Variants in KIAA1210 observed in about 807,000 individuals in gnomAD.
KIAA1210 encodes KIAA1210.
A neutral mutation model predicts 78.9 loss-of-function variants in KIAA1210; 48 were observed. The observed-to-expected ratio is 0.61, with a 90% CI of 0.48 to 0.77. The LOEUF (loss-of-function observed/expected upper bound fraction) is 0.77, where lower values mean the gene tolerates loss of function less well. Among genes scored for constraint, KIAA1210 ranks in the 30% least tolerant of loss-of-function variants. The pLI is 0.00. For synonymous variants in KIAA1210, 406 were observed against 404.5 expected (o/e 1.00, Z -0.04); for missense variants, 1,108 against 1,100.0 (o/e 1.01, Z -0.10).
At position 119,111,521 on chromosome X, in the gene KIAA1210, C is replaced by T. The variant is rs1051249323; in HGVS notation, c.231-2319G>A. Among the ~76,000 whole-genome samples, 9 of 108,260 alleles carry T rather than the reference C, an allele frequency of 8.3e-5. No homozygotes were observed. The Admixed American group carries it at 9.0e-4, about 11-fold the overall frequency. The allele number at this position is 108,260 out of a possible 115,157, so 94.0% of individuals were successfully genotyped here. A position where few individuals can be genotyped will look rare whatever the true frequency, so the allele number is the denominator to read the frequency against. ...AACACAGGAATAGAAAACCAAACAC[C>T]GCATGTTGTCACTCATAAGTGGGAG... On this transcript the variant is annotated intron_variant, in intron 3 of 11. Coordinates refer to ENST00000691062, the MANE Select transcript of KIAA1210 (RefSeq NM_001394962.1).
chrX:119,118,176 G>A (rs1379701242), intron 2 of KIAA1210, among the ~76,000 whole-genome samples: 1 of 111,899 alleles, frequency 8.9e-6, no homozygotes, highest in African/African-American at 3.3e-5. Flanking sequence ...ATCATGAAAG[G>A]CTTAATGGTG....
chrX:119,119,041 T>C (rs1928363032), intron 2 of KIAA1210, among the ~76,000 whole-genome samples: 1 of 112,350 alleles, frequency 8.9e-6, no homozygotes, highest in South Asian at 3.7e-4. Context: ...TTGAGACCAC[T>C]GAACAGAGTC....
rs746567004 is a variant in KIAA1210 at position 119,092,759 on chromosome X, T to TCAAATAAATAAATAAA, written c.955+907_955+908insTTTATTTATTTATTTG. ...CTGGGTGACAGAGTGAGACTCCGTC[T>TCAAATAAATAAATAAA]TAAATAAATAAATAAATAAATAAAT... On this transcript the variant is annotated intron_variant, in intron 8 of 11. Coordinates refer to ENST00000691062, the MANE Select transcript of KIAA1210 (RefSeq NM_001394962.1). 3.8e-3 allele frequency among the ~76,000 whole-genome samples: 326 copies of TCAAATAAATAAATAAA among 85,318 alleles called. 3 individuals carry two copies. Among genetic ancestry groups the TCAAATAAATAAATAAA allele is most frequent in the African/African-American group, 0.013 (314 of 24,083 alleles). 74.1% of individuals were successfully genotyped at this position (85,318 alleles called of 115,157 possible).
chrX:119,096,612 G>C lies in KIAA1210; in HGVS notation c.728C>G (p.Thr243Ser). 1 of 1,210,525 alleles carries C rather than the reference G, an allele frequency of 8.3e-7. No individual in the cohort carries two copies. Among genetic ancestry groups the C allele is most frequent in the South Asian group, 1.8e-5 (1 of 56,820 alleles). Residue 243 changes from threonine (T) to serine (S), a missense_variant, in exon 7 of 12, where the codon ACC (threonine) becomes AGC (serine). Thr to Ser is a moderately conservative substitution (Grantham distance 58). Coordinates refer to ENST00000691062, the MANE Select transcript of KIAA1210 (RefSeq NM_001394962.1). The part of the protein sequence containing the change: ...AFATLASTSS[T>S]QLPIGFSTPA... The stretch of plus-strand genomic sequence containing the variant: ...GGTGCTGAAACCAATGGGCAGCTGG[G>C]TGCTACTGGTAGAGGCAAGTGTGGC...
At chrX:119,117,011 C>A (rs562242173) in intron 2 of KIAA1210, among the ~76,000 whole-genome samples, 2 of 112,340 alleles carry the variant, frequency 1.8e-5, no homozygotes, top group Admixed American at 1.9e-4. Flanking sequence ...GAAGTTCATT[C>A]ATGTGAAGCA....
At chrX:119,125,461 T>C (rs1212742004) in intron 1 of KIAA1210, among the ~76,000 whole-genome samples, 1 of 107,937 alleles carries the variant, frequency 9.3e-6, no homozygotes, top group Non-Finnish European at 1.9e-5. Flanking sequence ...AAAGTGATCA[T>C]GAAAAGGATA....
chrX:119,116,507 T>C lies in KIAA1210; in HGVS notation c.219A>G (p.Pro73=). ...GCATCTGAGCTCACCTGGCCTTAGTTGGTTGATTTTCCCGAACGGGCTGCA... is the reference window on the plus strand; with the variant it reads ...GCATCTGAGCTCACCTGGCCTTAGTCGGTTGATTTTCCCGAACGGGCTGCA... ...SSLQPVRENQ[P]TKARAKSSMG... Residue 73 remains proline (P), a synonymous_variant, in exon 3 of 12, where the codon CCA becomes CCG. Transcript: ENST00000691062. The C allele has an allele frequency of 8.3e-7, 1 of 1,210,957 alleles. No homozygotes were observed. Among genetic ancestry groups the C allele is most frequent in the East Asian group, 3.0e-5 (1 of 33,831 alleles).
At chrX:119,103,350 T>C (rs900387632) in intron 6 of KIAA1210, among the ~76,000 whole-genome samples, 1 of 112,131 alleles carries the variant, frequency 8.9e-6, no homozygotes, top group Non-Finnish European at 1.9e-5. Flanking sequence ...CTTAACATCA[T>C]TATTTACTAG....
chrX:119,135,396 T>G (rs929167639), intron 2 of KIAA1210, among the ~76,000 whole-genome samples: 5 of 111,823 alleles, frequency 4.5e-5, no homozygotes, highest in African/African-American at 1.6e-4. Context: ...GATACATATA[T>G]TGTGATGAGG....
In KIAA1210 at chrX:119,096,542, G is replaced by A; in HGVS notation, c.798C>T (p.His266=). 2.5e-6 allele frequency: 3 copies of A among 1,210,986 alleles called. No homozygotes were observed. The highest frequency in any genetic ancestry group is 3.4e-6 in the Non-Finnish European group (3 of 895,108). ...GTTTGCGGGGATTTAAAGTCATTTT[G>A]TGGCGAGCAGCTGAAGAATCCAAAC... The part of the protein sequence containing the change: ...QGCLDSSAAR[H]KMTLNPRKQK... Residue 266 remains histidine, a synonymous_variant, in exon 7 of 12, where the codon CAC becomes CAT. Transcript: ENST00000691062.
At chrX:119,145,638 C>T (rs1034225993) in intron 2 of KIAA1210, among the ~76,000 whole-genome samples, 15 of 111,342 alleles carry the variant, frequency 1.3e-4, no homozygotes, top group Middle Eastern at 4.6e-3. Context: ...AGAACAAGTA[C>T]TTACCTTGAC....
At position 119,089,426 on chromosome X, in the gene KIAA1210, G is replaced by C. The variant is rs1312194377; in HGVS notation, c.1276C>G (p.Pro426Ala). 16 of 1,211,729 alleles carry C rather than the reference G, an allele frequency of 1.3e-5. No individual in the cohort carries two copies. Among genetic ancestry groups the C allele is most frequent in the Non-Finnish European group, 1.8e-5 (16 of 895,411 alleles). The change falls in exon 9 of 12, where the codon CCA becomes GCA. Residue 426 changes from proline (P) to alanine (A), a missense_variant. By Grantham distance (27) the Pro-to-Ala change is conservative. This residue lies in a region of KIAA1210 where 672 missense variants were observed against 607.1 expected (regional missense o/e 1.11). Transcript: ENST00000691062. Reference protein sequence around the residue: ...DNMEQPTTSQPETTTPQGLLS... With the variant: ...DNMEQPTTSQAETTTPQGLLS... ...AACCCCTGAGGGGTAGTGGTTTCTG[G>C]TTGTGAAGTTGTAGGCTGCTCCATG...
chrX:119,141,465 T>C lies in KIAA1210; in HGVS notation c.410+6008A>G, dbSNP rs1461858752. On this transcript the variant is annotated intron_variant, in intron 2 of 13. Coordinates refer to the KIAA1210 transcript ENST00000402510. Reference sequence around the variant, plus strand: ...TATCTCTTCTTTTCCTGTTCTCTTGTTTCTATTTCTCATTTTGAACATCTC... The same window carrying C: ...TATCTCTTCTTTTCCTGTTCTCTTGCTTCTATTTCTCATTTTGAACATCTC... Among the ~76,000 whole-genome samples, 3 of 112,603 alleles carry C rather than the reference T, an allele frequency of 2.7e-5. No homozygotes were observed. In the Admixed American group the frequency reaches 2.8e-4, roughly 11 times the overall value.
At chrX:119,091,714 A>G (rs1010848515) in intron 8 of KIAA1210, among the ~76,000 whole-genome samples, 2 of 111,950 alleles carry the variant, frequency 1.8e-5, no homozygotes, top group East Asian at 5.6e-4. Flanking sequence ...AACCACTTTC[A>G]TGATATGGAA....
At chrX:119,144,282 T>G (rs1445669481) in intron 2 of KIAA1210, among the ~76,000 whole-genome samples, 1 of 112,587 alleles carries the variant, frequency 8.9e-6, no homozygotes, top group Non-Finnish European at 1.9e-5. Context: ...ACTCCCGGTT[T>G]CCTGCTGCTC....
chrX:119,148,607 T>C (rs1929221683), intron 1 of KIAA1210, among the ~76,000 whole-genome samples: 1 of 112,279 alleles, frequency 8.9e-6, no homozygotes, highest in Non-Finnish European at 1.9e-5. Context: ...TCCTTCTATC[T>C]CTATGAAAAT....
At chrX:119,125,012 C>T (rs1928585037) in intron 1 of KIAA1210, among the ~76,000 whole-genome samples, 1 of 111,423 alleles carries the variant, frequency 9.0e-6, no homozygotes, top group Non-Finnish European at 1.9e-5. Context: ...TTATAAAGAG[C>T]TCATATAAAT....
chrX:119,102,581 T>A (rs1447468847), intron 6 of KIAA1210, among the ~76,000 whole-genome samples: 1 of 110,669 alleles, frequency 9.0e-6, no homozygotes, highest in Non-Finnish European at 1.9e-5. Context: ...TTCGGAGACT[T>A]ATTTGTATAC....
At chrX:119,131,221 A>AC (rs760831328), upstream of KIAA1210, among the ~76,000 whole-genome samples, 2 of 111,748 alleles carry the variant, frequency 1.8e-5, no homozygotes, top group South Asian at 7.5e-4. Flanking sequence ...CAAGATTCCC[A>AC]CCCCCTGGTA....
Sources: allele counts gnomAD v4.1 joint callset (sites outside exome capture counted in the v4.1 genomes callset), GRCh38; gene constraint gnomAD v4.1.1; regional missense constraint gnomAD v4.1.1; transcripts MANE v1.5; gene names NCBI Gene and HGNC (gene_info 2026-07-23, HGNC 2026-07-21).